The following NME5 variants were observed in gnomAD, a reference collection of about 807,000 sequenced individuals.
NME5 encodes nucleoside diphosphate kinase 5.
Under a neutral mutation model 21.6 loss-of-function variants are expected in NME5, and 18 were observed. The ratio of observed to expected loss-of-function variants is 0.83; its 90% CI spans 0.58 to 1.24. The LOEUF (loss-of-function observed/expected upper bound fraction) is 1.24, where lower values mean the gene tolerates loss of function less well. Ranked by LOEUF, NME5 falls within the 50% of genes most tolerant of loss-of-function variation. The probability of loss-of-function intolerance (pLI) is 0.00; values close to 1 mark genes in which losing one functional copy is unlikely to be tolerated. For synonymous variants in NME5, 70 were observed against 80.6 expected, an observed-to-expected ratio of 0.87 and a Z score of 0.71; for missense variants, 223 against 255.4, an observed-to-expected ratio of 0.87 and a Z score of 0.86.
In NME5 at chr5:138,133,156, A is replaced by G. The variant is rs374700819; in HGVS notation, c.130-3688T>C. On this transcript the variant is annotated intron_variant, in intron 2 of 5. Coordinates refer to ENST00000265191, the MANE Select transcript of NME5 (RefSeq NM_003551.3). ...CACTCTGTCCTCCAGGCTTGAGTGC[A>G]GTGGCGCGATCTCGGCTCACTGCGA... 5.3e-3 allele frequency among the ~76,000 whole-genome samples: 803 copies of G among 150,686 alleles called. 6 individuals are homozygous for G. The highest frequency in any genetic ancestry group is 0.019 in the African/African-American group (763 of 40,942).
chr5:138,119,034 TTA>T (rs1014215339), intron 4 of NME5, 98 bp from the exon 5 acceptor site: 9 of 695,232 alleles, frequency 1.3e-5, no homozygotes, highest in African/African-American at 3.7e-5. Flanking sequence ...CTCTATTTTT[TTA>T]TATGTTTTTT....
intron 4 of NME5, among the ~76,000 whole-genome samples, chr5:138,122,332 C>G (rs980651405): frequency 6.7e-6 from 1 of 149,592 alleles, no homozygotes; most frequent in Non-Finnish European, 1.5e-5. Flanking sequence ...CCCAGCTACT[C>G]GGGAGGCTGA....
intron 2 of NME5, among the ~76,000 whole-genome samples, chr5:138,135,921 A>G (rs930717125): frequency 3.9e-5 from 6 of 152,126 alleles, no homozygotes; most frequent in African/African-American, 1.4e-4. Flanking sequence ...GTTGGTACAC[A>G]TGATTTTGTG....
At chr5:138,132,603 T>C (rs917640826) in intron 2 of NME5, among the ~76,000 whole-genome samples, 3 of 152,296 alleles carry the variant, frequency 2.0e-5, no homozygotes, top group Admixed American at 2.0e-4. Flanking sequence ...ACCAAGTAAC[T>C]CACCTCTTAA....
At chr5:138,129,216 C>A in intron 3 of NME5, 47 bp downstream of exon 3, 4 of 1,263,640 alleles carry the variant, frequency 3.2e-6, no homozygotes, top group Non-Finnish European at 4.4e-6. Context: ...TTTTCATTTT[C>A]ACAGATGGAT....
intron 3 of NME5, among the ~76,000 whole-genome samples, chr5:138,129,003 G>T (rs1751496193): frequency 6.6e-6 from 1 of 152,012 alleles, no homozygotes; most frequent in African/African-American, 2.4e-5. Context: ...CAGTTTAAAG[G>T]TTGAGAGAAT....
chr5:138,138,422 C>G (rs1268001342), intron 2 of NME5: 3 of 408,708 alleles, frequency 7.3e-6, no homozygotes, highest in Non-Finnish European at 1.3e-5. Flanking sequence ...GGTTGCCTCT[C>G]TCTGGAGCCT....
intron 3 of NME5, 97 bp downstream of exon 3, chr5:138,129,166 T>TAA: frequency 4.1e-6 from 4 of 972,992 alleles, no homozygotes; most frequent in African/African-American, 1.7e-5. Flanking sequence ...AACTTCCAAA[T>TAA]AAAAAAAAAA....
At position 138,129,263 on chromosome 5, in the gene NME5, C is replaced by G; in HGVS notation, c.335G>C (p.Ser112Thr). 6.2e-7 allele frequency: 1 copy of G among 1,605,656 alleles called. No homozygotes were observed. Among genetic ancestry groups the G allele is most frequent in the Non-Finnish European group, 8.5e-7 (1 of 1,172,812 alleles). Residue 112 changes from serine (S) to threonine (T), a missense_variant and splice_region_variant, in exon 3 of 6, where the codon AGT becomes ACT. Coordinates refer to ENST00000265191, the MANE Select transcript of NME5 (RefSeq NM_003551.3). ...SLVAKETHPDSLRAIYGTDDL... is the reference protein window; with the variant it reads ...SLVAKETHPDTLRAIYGTDDL... Reference sequence around the variant, plus strand: ...CCATCCCCCAAACCCTGAAAATTACCTGTCTGGATGTGTCTCCTTCGCTAC... The same window carrying G: ...CCATCCCCCAAACCCTGAAAATTACGTGTCTGGATGTGTCTCCTTCGCTAC...
At chr5:138,123,605 A>C (rs1185524562) in intron 4 of NME5, among the ~76,000 whole-genome samples, 1 of 152,116 alleles carries the variant, frequency 6.6e-6, no homozygotes, top group Non-Finnish European at 1.5e-5. Flanking sequence ...TTCTTTATCC[A>C]TTAACCCACT....
In NME5 at chr5:138,115,278, C is replaced by A. The variant is rs1459092657; in HGVS notation, c.*403G>T. ...CTGACACATGAGCATGAAACCAAAT[C>A]ACCATGCTTATGGACTACAAAAGGA... On this transcript the variant is annotated 3_prime_UTR_variant, in exon 6 of 6. Transcript: ENST00000265191. 6.5e-6 allele frequency: 1 copy of A among 153,352 alleles called. No homozygotes were observed. The highest frequency in any genetic ancestry group is 1.5e-5 in the Non-Finnish European group (1 of 68,952). 9.5% of individuals were successfully genotyped at this position (153,352 alleles called of 1,614,324 possible).
intron 5 of NME5, chr5:138,116,097 TG>T (rs1751150620): frequency 5.8e-6 from 1 of 173,616 alleles, no homozygotes; most frequent in Admixed American, 6.1e-5. Context: ...ACATCAGCAA[TG>T]ACAGTCCAAA....
At chr5:138,128,102 G>C (rs1751475662) in intron 4 of NME5, among the ~76,000 whole-genome samples, 1 of 152,106 alleles carries the variant, frequency 6.6e-6, no homozygotes, top group Non-Finnish European at 1.5e-5. Context: ...TATAGTCTCA[G>C]CTACCCGGGA....
In NME5 at chr5:138,138,649, T is replaced by C; in HGVS notation, c.129+3A>G. 6.2e-7 allele frequency: 1 copy of C among 1,609,494 alleles called. No individual in the cohort carries two copies. The highest frequency in any genetic ancestry group is 1.1e-5 in the South Asian group (1 of 90,154). On this transcript the variant is annotated splice_donor_region_variant and intron_variant, in intron 2 of 5. Transcript: ENST00000265191. Reference sequence around the variant, plus strand: ...AGCATGAATCATCATACCCAGAAGTTACCTGAACAATGGTGAATCCGGATC... The same window carrying C: ...AGCATGAATCATCATACCCAGAAGTCACCTGAACAATGGTGAATCCGGATC...
intron 2 of NME5, among the ~76,000 whole-genome samples, chr5:138,129,685 C>T (rs1410723052): frequency 3.3e-5 from 5 of 152,264 alleles, no homozygotes; most frequent in East Asian, 1.9e-4. Context: ...TGGCCGGGTG[C>T]GGTGGCTCAT....
At chr5:138,127,274 G>A (rs1004800516) in intron 4 of NME5, among the ~76,000 whole-genome samples, 3 of 152,176 alleles carry the variant, frequency 2.0e-5, no homozygotes, top group South Asian at 2.1e-4. Flanking sequence ...GGCCGTTACC[G>A]ACCCTGTTGG....
Position 138,130,444 on chromosome 5 carries a change from G to A in NME5, c.130-976C>T, listed in dbSNP as rs139641977. Among the ~76,000 whole-genome samples the A allele has an allele frequency of 3.7e-3, 569 of 152,236 alleles. 3 individuals carry two copies. Among genetic ancestry groups the A allele is most frequent in the African/African-American group, 0.013 (537 of 41,532 alleles). On this transcript the variant is annotated intron_variant, in intron 2 of 5. Coordinates refer to ENST00000265191, the MANE Select transcript of NME5 (RefSeq NM_003551.3). ...GCAGTAAAAAGTTTTTCATTTGAAC[G>A]TGTGTTCTTTATTCTGGTTCTGTCA...
intron 5 of NME5, among the ~76,000 whole-genome samples, chr5:138,117,611 C>G (rs935988133): frequency 3.9e-5 from 6 of 152,118 alleles, no homozygotes; most frequent in Non-Finnish European, 7.3e-5. Flanking sequence ...AGATGTTCAA[C>G]ATTAGCCATT....
chr5:138,130,807 T>C (rs927943193), intron 2 of NME5, among the ~76,000 whole-genome samples: 9 of 151,788 alleles, frequency 5.9e-5, no homozygotes, highest in African/African-American at 2.2e-4. Flanking sequence ...GCGCCTGTAG[T>C]CCCAGCTACT....
Sources: allele counts gnomAD v4.1 joint callset (sites outside exome capture counted in the v4.1 genomes callset), GRCh38; gene constraint gnomAD v4.1.1; transcripts MANE v1.5; gene names NCBI Gene and HGNC (gene_info 2026-07-23, HGNC 2026-07-21).